Variants in GRM4 observed in about 807,000 individuals in gnomAD.
The protein encoded by GRM4 is glutamate metabotropic receptor 4.
GRM4 carries 28 observed loss-of-function variants against 81.7 expected under a neutral mutation model. The observed-to-expected ratio is 0.34, with a 90% CI of 0.25 to 0.47. The LOEUF (loss-of-function observed/expected upper bound fraction) is 0.47. Ranked by LOEUF, GRM4 falls within the 20% of genes least tolerant of loss-of-function variation. GRM4 has a pLI of 1.00. For synonymous variants in GRM4, 488 were observed against 528.8 expected (o/e 0.92, Z 1.06); for missense variants, 948 against 1,290.0 (o/e 0.73, Z 4.06).
intron 3 of GRM4, among the ~76,000 whole-genome samples, chr6:34,081,196 G>A (rs950190464): frequency 2.0e-5 from 3 of 152,236 alleles, no homozygotes; most frequent in Non-Finnish European, 4.4e-5. Context: ...GCTCTGCCCT[G>A]ACAAGCTGGG....
chr6:34,052,632 C>T (rs1237077604), intron 6 of GRM4, among the ~76,000 whole-genome samples: 1 of 152,080 alleles, frequency 6.6e-6, no homozygotes, highest in Non-Finnish European at 1.5e-5. Flanking sequence ...GTGAGCTGAT[C>T]CTAAAGAAGT....
upstream of GRM4, among the ~76,000 whole-genome samples, chr6:34,148,852 C>G (rs1177209121): frequency 1.3e-5 from 2 of 152,190 alleles, no homozygotes; most frequent in Non-Finnish European, 1.5e-5. Context: ...GGAGGCTGGC[C>G]TGCTACTCGT....
chr6:34,047,080 G>A lies in GRM4; in HGVS notation c.1169-6332C>T, dbSNP rs1405786546. Among the ~76,000 whole-genome samples, 1 of 152,156 alleles carries A rather than the reference G, an allele frequency of 6.6e-6. No homozygotes were observed. Among genetic ancestry groups the A allele is most frequent in the Non-Finnish European group, 1.5e-5 (1 of 68,024 alleles). On this transcript the variant is annotated intron_variant, in intron 6 of 10. Transcript: ENST00000538487. The surrounding 1 kb of genome is among the most constrained non-coding windows in gnomAD (Gnocchi z 4.5). Reference sequence around the variant, plus strand: ...GTGTTCTAGTGCCTCAGTCTCCCAAGTGTGAATTCCGGATAGTAAGACTTA... The same window carrying A: ...GTGTTCTAGTGCCTCAGTCTCCCAAATGTGAATTCCGGATAGTAAGACTTA...
chr6:34,146,993 C>T (rs2127520432), upstream of GRM4, among the ~76,000 whole-genome samples: 1 of 150,424 alleles, frequency 6.6e-6, no homozygotes, highest in Middle Eastern at 3.5e-3. Flanking sequence ...TAGGCCAAAA[C>T]CACATCTCGT....
In GRM4 at chr6:34,061,948, G is replaced by A; in HGVS notation, c.817C>T (p.Leu273=). 6.2e-7 allele frequency: 1 copy of A among 1,614,000 alleles called. No individual in the cohort carries two copies. The change falls in exon 4 of 11, where the codon CTG becomes TTG. Residue 273 remains leucine (L), a synonymous_variant. Transcript: ENST00000538487. ...GEFDKIIRRL[L]ETSNARAVII... ...ACTGCCCTGGCGTTCGAAGTCTCCA[G>A]GAGGCGGCGGATGATCTTGTCGAAC... is the stretch of plus-strand genomic sequence containing the variant.
intron 6 of GRM4, among the ~76,000 whole-genome samples, chr6:34,046,202 A>C (rs1765355983): frequency 6.6e-6 from 1 of 152,190 alleles, no homozygotes; most frequent in Non-Finnish European, 1.5e-5. Flanking sequence ...TCCACCACAC[A>C]GACACTCACA....
At chr6:34,140,787 G>C (rs117554682) in intron 1 of GRM4, among the ~76,000 whole-genome samples, 1 of 152,150 alleles carries the variant, frequency 6.6e-6, no homozygotes, top group African/African-American at 2.4e-5. Context: ...TTTGGCCTTC[G>C]CCACTAATAC....
chr6:34,044,227 C>CAT (rs1562020597), intron 6 of GRM4, among the ~76,000 whole-genome samples: 1 of 150,608 alleles, frequency 6.6e-6, no homozygotes, highest in African/African-American at 2.5e-5. Context: ...CACATATATA[C>CAT]AGACACACAC....
intron 4 of GRM4, chr6:34,061,221 G>T: frequency 6.6e-6 from 1 of 152,182 alleles, no homozygotes; most frequent in South Asian, 2.1e-4. Context: ...GGACTAGAGG[G>T]CCCTGCCAGA....
chr6:34,107,347 C>T (rs1484335513), intron 2 of GRM4, among the ~76,000 whole-genome samples: 1 of 152,136 alleles, frequency 6.6e-6, no homozygotes, highest in Non-Finnish European at 1.5e-5. Context: ...TCAGAATATA[C>T]CTCCTGAGCA....
intron 2 of GRM4, among the ~76,000 whole-genome samples, chr6:34,119,890 C>A (rs146900754): frequency 6.6e-6 from 1 of 152,154 alleles, no homozygotes; most frequent in Non-Finnish European, 1.5e-5. Flanking sequence ...CCCCTTCCTA[C>A]CCCAGGCCTG....
upstream of GRM4, among the ~76,000 whole-genome samples, chr6:34,147,336 A>G (rs1770958079): frequency 6.6e-6 from 1 of 152,148 alleles, no homozygotes; most frequent in African/African-American, 2.4e-5. Flanking sequence ...AGCACCACAC[A>G]TTTTGTAGAG....
At chr6:34,138,922 T>C (rs1247464475) in intron 1 of GRM4, among the ~76,000 whole-genome samples, 1 of 152,200 alleles carries the variant, frequency 6.6e-6, no homozygotes, top group East Asian at 1.9e-4. Context: ...GGACTGATTC[T>C]AATGGTGGAA....
At position 34,080,945 on chromosome 6, in the gene GRM4, C is replaced by T. The variant is rs1018614727; in HGVS notation, c.736+10938G>A. On this transcript the variant is annotated intron_variant, in intron 3 of 10. Coordinates refer to ENST00000538487, the MANE Select transcript of GRM4 (RefSeq NM_000841.4). This position sits in a 1 kb window ranked among gnomAD's most constrained non-coding sequence, Gnocchi z 5.4. Reference sequence around the variant, plus strand: ...TCAGACCAGGTGGCGAAACCAGGGACCCTTTGAGATTACCCTGCCCCCATC... The same window carrying T: ...TCAGACCAGGTGGCGAAACCAGGGATCCTTTGAGATTACCCTGCCCCCATC... Among the ~76,000 whole-genome samples the T allele has an allele frequency of 1.3e-5, 2 of 152,102 alleles. No homozygotes were observed. The highest frequency in any genetic ancestry group is 4.8e-5 in the African/African-American group (2 of 41,422).
rs1441343473 is a variant in GRM4 at position 34,133,854 on chromosome 6, A to G, written c.-358T>C. On this transcript the variant is annotated 5_prime_UTR_variant, in exon 2 of 11. The change abolishes the stop of an existing upstream ORF in the 5' untranslated region. Transcript: ENST00000538487. The surrounding 1 kb of genome is among the most constrained non-coding windows in gnomAD (Gnocchi z 6.5). ...AAAACAGCTCCAATCCTCTCCTCCT[A>G]CCAACCTTAGAAGGGGAAGAGAGAG... 4 of 1,066,212 alleles carry G rather than the reference A, an allele frequency of 3.8e-6. No individual in the cohort carries two copies. Among genetic ancestry groups the G allele is most frequent in the African/African-American group, 1.7e-5 (1 of 60,210 alleles). The allele number at this position is 1,066,212 out of a possible 1,614,324, so 66.0% of individuals were successfully genotyped here. A position where few individuals can be genotyped will look rare whatever the true frequency, so the allele number is the denominator to read the frequency against.
intron 2 of GRM4, among the ~76,000 whole-genome samples, chr6:34,101,678 TC>T (rs1768847167): frequency 6.6e-6 from 1 of 152,224 alleles, no homozygotes; most frequent in Non-Finnish European, 1.5e-5. Context: ...AGTGGCCCAC[TC>T]GTCTCCAACA....
intron 6 of GRM4, chr6:34,056,233 T>G (rs1765863005): frequency 3.4e-6 from 1 of 293,628 alleles, no homozygotes; most frequent in Admixed American, 4.8e-5. Context: ...GCATCAAGAC[T>G]GGATACAGGT....
chr6:34,110,983 G>A lies in GRM4; in HGVS notation c.520-18884C>T, dbSNP rs1380527169. ...CCCACAGACTGCAAGGAGCCAAGCG[G>A]AGACAGGGCTCCCCATGGGCACCCT... On this transcript the variant is annotated intron_variant, in intron 2 of 10. Transcript: ENST00000538487. 13 of 542,006 alleles carry A rather than the reference G, an allele frequency of 2.4e-5. No individual in the cohort carries two copies. In the East Asian group the frequency reaches 5.6e-4, roughly 23 times the overall value. 33.6% of individuals were successfully genotyped at this position (542,006 alleles called of 1,614,324 possible). A position where few individuals can be genotyped will look rare whatever the true frequency, so the allele number is the denominator to read the frequency against.
At chr6:34,072,343 A>G (rs891252789) in intron 3 of GRM4, among the ~76,000 whole-genome samples, 3 of 149,650 alleles carry the variant, frequency 2.0e-5, no homozygotes, top group Admixed American at 6.6e-5. Context: ...CACCACATGG[A>G]TGCACACCAC....
Sources: allele counts gnomAD v4.1 joint callset (sites outside exome capture counted in the v4.1 genomes callset), GRCh38; gene constraint gnomAD v4.1.1; non-coding constraint Gnocchi (gnomAD v3.1); transcripts MANE v1.5; gene names NCBI Gene and HGNC (gene_info 2026-07-23, HGNC 2026-07-21).